The following PTPN3 variants were observed in gnomAD, a reference collection of about 807,000 sequenced individuals.
PTPN3 encodes the protein protein tyrosine phosphatase non-receptor type 3, also known as tyrosine-protein phosphatase non-receptor type 3.
In PTPN3, 96 loss-of-function variants were observed where a neutral mutation model predicts 132.7. That is an observed-to-expected ratio of 0.72 (90% confidence interval 0.61 to 0.86). PTPN3 has a LOEUF of 0.86. Among genes scored for constraint, PTPN3 ranks in the 40% least tolerant of loss-of-function variants. The probability of loss-of-function intolerance (pLI) is 0.00; values close to 1 mark genes in which losing one functional copy is unlikely to be tolerated. For missense variants in PTPN3, 1,125 were observed against 1,159.6 expected (o/e 0.97, Z 0.43); for synonymous variants, 398 against 429.0 (o/e 0.93, Z 0.89).
chr9:109,412,247 T>C (rs2131780166), intron 14 of PTPN3, among the ~76,000 whole-genome samples: 1 of 152,266 alleles, frequency 6.6e-6, no homozygotes, highest in East Asian at 1.9e-4. Context: ...AAAGCTCTGT[T>C]GCCCAGGCTG....
At chr9:109,401,508 T>C (rs1449274370) in intron 19 of PTPN3, among the ~76,000 whole-genome samples, 2 of 152,204 alleles carry the variant, frequency 1.3e-5, no homozygotes, top group Non-Finnish European at 2.9e-5. Flanking sequence ...TGAACACTTT[T>C]CAAGGGAAAT....
chr9:109,391,459 C>A lies in PTPN3; in HGVS notation c.2044+12G>T. ...TGTAGGGGGGAAGGAGGCATTCATGCCGGATACTCACAAGGCAGCACATCT... is the reference window on the plus strand; with the variant it reads ...TGTAGGGGGGAAGGAGGCATTCATGACGGATACTCACAAGGCAGCACATCT... On this transcript the variant is annotated intron_variant, in intron 20 of 25. Transcript: ENST00000374541. The A allele has an allele frequency of 6.2e-7, 1 of 1,602,914 alleles. No homozygotes were observed. The highest frequency in any genetic ancestry group is 8.5e-7 in the Non-Finnish European group (1 of 1,170,640).
intron 14 of PTPN3, among the ~76,000 whole-genome samples, chr9:109,410,773 C>G (rs1168176551): frequency 5.3e-5 from 8 of 152,218 alleles, no homozygotes; most frequent in African/African-American, 1.9e-4. Context: ...CATGCAGATG[C>G]ACAGCCCATC....
At chr9:109,474,857 T>C (rs781711959) in intron 1 of PTPN3, among the ~76,000 whole-genome samples, 16 of 152,244 alleles carry the variant, frequency 1.1e-4, no homozygotes, top group Non-Finnish European at 1.9e-4. Flanking sequence ...CTTACTGAGA[T>C]TAACTTCGGA....
At chr9:109,422,153 C>T (rs969350320) in intron 13 of PTPN3, among the ~76,000 whole-genome samples, 1 of 152,126 alleles carries the variant, frequency 6.6e-6, no homozygotes, top group African/African-American at 2.4e-5. Context: ...AGGGCCAAAA[C>T]CTGAGTTTAG....
At chr9:109,470,167 G>A (rs542658310) in intron 1 of PTPN3, among the ~76,000 whole-genome samples, 1 of 152,128 alleles carries the variant, frequency 6.6e-6, no homozygotes, top group Admixed American at 6.5e-5. Flanking sequence ...CAAATTAAGT[G>A]CACTTCTCGT....
intron 4 of PTPN3, among the ~76,000 whole-genome samples, chr9:109,456,070 G>A (rs1162435203): frequency 2.0e-5 from 3 of 152,100 alleles, no homozygotes; most frequent in Non-Finnish European, 2.9e-5. Context: ...TTTGAGAATC[G>A]GGCTCCCTGT....
chr9:109,514,647 G>A, the PTPN3 span, among the ~76,000 whole-genome samples: 2 of 152,120 alleles, frequency 1.3e-5, no homozygotes, highest in African/African-American at 4.8e-5. Flanking sequence ...TGAGGAGTGT[G>A]GTAGGTGCGT....
rs192135432 is a variant in PTPN3, at chr9:109,485,398, C to T, written c.-18+12821G>A. ...TGGTGGGCGCCTGCAGTCCCAGCTA[C>T]GCGGGAGGCTGAGGCAGGAGAACGG... On this transcript the variant is annotated intron_variant, in intron 1 of 25. Transcript: ENST00000374541. 6.6e-3 allele frequency among the ~76,000 whole-genome samples: 1,009 copies of T among 152,212 alleles called. 10 individuals carry two copies. Among genetic ancestry groups the T allele is most frequent in the African/African-American group, 0.022 (923 of 41,536 alleles).
chr9:109,465,181 C>G (rs1022142044), intron 1 of PTPN3, among the ~76,000 whole-genome samples: 1 of 152,120 alleles, frequency 6.6e-6, no homozygotes, highest in Non-Finnish European at 1.5e-5. Context: ...CTGGTTTAAC[C>G]GGTGATTTCA....
chr9:109,408,589 C>A (rs888751033), intron 16 of PTPN3, among the ~76,000 whole-genome samples: 2 of 151,676 alleles, frequency 1.3e-5, no homozygotes, highest in Non-Finnish European at 2.9e-5. Context: ...CTGGATCCAG[C>A]GGGCTGACCA....
the PTPN3 span, among the ~76,000 whole-genome samples, chr9:109,520,708 G>C: frequency 1.3e-5 from 2 of 152,156 alleles, no homozygotes; most frequent in Admixed American, 1.3e-4. Flanking sequence ...TCCGTGGCCT[G>C]GTTTGTTAAA....
chr9:109,379,640 A>G lies in PTPN3; in HGVS notation c.2665-7T>C. ...ACACAAACTTGTACTGGCTCTGGAAAAGAAAAAAATGCTGTCAAGTCCTGT... is the reference window on the plus strand; with the variant it reads ...ACACAAACTTGTACTGGCTCTGGAAGAGAAAAAAATGCTGTCAAGTCCTGT... On this transcript the variant is annotated splice_region_variant and splice_polypyrimidine_tract_variant and intron_variant, in intron 25 of 25. Coordinates refer to ENST00000374541, the MANE Select transcript of PTPN3 (RefSeq NM_002829.4). The G allele has an allele frequency of 6.2e-7, 1 of 1,612,924 alleles. No homozygotes were observed. The highest frequency in any genetic ancestry group is 8.5e-7 in the Non-Finnish European group (1 of 1,178,874).
chr9:109,412,315 T>G (rs1842139587), intron 14 of PTPN3, among the ~76,000 whole-genome samples: 1 of 152,074 alleles, frequency 6.6e-6, no homozygotes, highest in African/African-American at 2.4e-5. Context: ...TCAAGAGATC[T>G]TCCTATCTTG....
Position 109,480,712 on chromosome 9 carries a change from G to A in PTPN3, c.-17-17261C>T, listed in dbSNP as rs566768246. Among the ~76,000 whole-genome samples the A allele has an allele frequency of 3.3e-5, 5 of 152,242 alleles. No individual in the cohort carries two copies. The East Asian group carries it at 9.6e-4, about 29-fold the overall frequency. On this transcript the variant is annotated intron_variant, in intron 1 of 25. Coordinates refer to ENST00000374541, the MANE Select transcript of PTPN3 (RefSeq NM_002829.4). Reference sequence around the variant, plus strand: ...CATTTTGAGTGAATTTTTGTATATGGTATGATGTGTTAGCTGCTCTGGTCT... The same window carrying A: ...CATTTTGAGTGAATTTTTGTATATGATATGATGTGTTAGCTGCTCTGGTCT...
chr9:109,476,505 G>A (rs756057713), intron 1 of PTPN3, among the ~76,000 whole-genome samples: 4 of 152,180 alleles, frequency 2.6e-5, no homozygotes, highest in Non-Finnish European at 1.5e-5. Flanking sequence ...CCTTCCACAT[G>A]CTGGGAGCTG....
the PTPN3 span, among the ~76,000 whole-genome samples, chr9:109,516,756 A>C: frequency 2.3e-3 from 347 of 152,328 alleles, 3 homozygotes; most frequent in Non-Finnish European, 1.3e-3. Context: ...AGGTCATTGC[A>C]CTAATAAAAG....
At chr9:109,410,681 C>G (rs986567602) in intron 14 of PTPN3, among the ~76,000 whole-genome samples, 3 of 152,144 alleles carry the variant, frequency 2.0e-5, no homozygotes, top group Non-Finnish European at 4.4e-5. Flanking sequence ...CTCCCTTCCC[C>G]GCTGCTTTAG....
At chr9:109,385,538 T>C (rs953694850) in intron 22 of PTPN3, among the ~76,000 whole-genome samples, 25 of 152,162 alleles carry the variant, frequency 1.6e-4, no homozygotes, top group African/African-American at 4.6e-4. Context: ...AGAGAATGAA[T>C]CAGTGTGTGT....
Sources: allele counts gnomAD v4.1 joint callset (sites outside exome capture counted in the v4.1 genomes callset), GRCh38; gene constraint gnomAD v4.1.1; transcripts MANE v1.5; gene names NCBI Gene and HGNC (gene_info 2026-07-23, HGNC 2026-07-21).